The following UBE2QL1 variants were observed in gnomAD, a reference collection of about 807,000 sequenced individuals.
The protein encoded by UBE2QL1 is ubiquitin-conjugating enzyme E2Q-like protein 1.
Under a neutral mutation model 12.6 loss-of-function variants are expected in UBE2QL1, and 5 were observed. The ratio of observed to expected loss-of-function variants is 0.40; its 90% CI spans 0.21 to 0.83. The LOEUF is 0.83. UBE2QL1 is among the 40% of genes least tolerant of loss of function. The pLI is 0.37. For missense variants in UBE2QL1, 99 were observed against 222.6 expected (o/e 0.44, Z 3.53); for synonymous variants, 96 against 94.5 (o/e 1.02, Z -0.10).
chr5:6,449,098 A>G lies in UBE2QL1; in HGVS notation c.205A>G (p.Met69Val), dbSNP rs1382332172. ...PDNFPFSPPF[M>V]RVLSPRLENG... ...CAACTTCCCCTTCTCGCCGCCCTTC[A>G]TGCGGGTGCTCAGCCCGCGCCTGGA... is the stretch of plus-strand genomic sequence containing the variant. Residue 69 changes from methionine to valine, a missense_variant, in exon 1 of 2, where the codon ATG becomes GTG. Physicochemically the swap from Met to Val is conservative, Grantham distance 21 (BLOSUM62 1). Coordinates refer to ENST00000399816, the MANE Select transcript of UBE2QL1 (RefSeq NM_001145161.3). 1 of 1,547,798 alleles carries G rather than the reference A, an allele frequency of 6.5e-7. No individual in the cohort carries two copies. The highest frequency in any genetic ancestry group is 8.7e-7 in the Non-Finnish European group (1 of 1,145,340).
chr5:6,452,864 C>CA (rs1460592480), intron 1 of UBE2QL1, among the ~76,000 whole-genome samples: 14 of 152,182 alleles, frequency 9.2e-5, no homozygotes, highest in African/African-American at 3.1e-4. Context: ...TGTGCAGCAG[C>CA]AGGGTCCCCA....
intron 1 of UBE2QL1, among the ~76,000 whole-genome samples, chr5:6,452,132 T>G (rs928307813): frequency 6.6e-6 from 1 of 152,222 alleles, no homozygotes; most frequent in Non-Finnish European, 1.5e-5. Flanking sequence ...ACGCTGTTTC[T>G]ATACTTCTAG....
intron 1 of UBE2QL1, among the ~76,000 whole-genome samples, chr5:6,485,722 A>C (rs1937364913): frequency 6.6e-6 from 1 of 152,190 alleles, no homozygotes; most frequent in African/African-American, 2.4e-5. Flanking sequence ...AATTTTAACT[A>C]TTTTTAGAGG....
At chr5:6,449,273 G>A (rs1414843994) in intron 1 of UBE2QL1, 26 bp downstream of exon 1, 42 of 1,356,678 alleles carry the variant, frequency 3.1e-5, no homozygotes, top group African/African-American at 7.6e-5. Context: ...CGGGGCTGGG[G>A]GCGCGGGGCC....
chr5:6,471,997 T>C (rs929694137), intron 1 of UBE2QL1, among the ~76,000 whole-genome samples: 3 of 152,170 alleles, frequency 2.0e-5, no homozygotes, highest in African/African-American at 7.2e-5. Context: ...CCATTCTGTT[T>C]CTAGCAGATA....
intron 1 of UBE2QL1, among the ~76,000 whole-genome samples, chr5:6,475,910 C>T (rs566937848): frequency 6.6e-6 from 1 of 152,196 alleles, no homozygotes; most frequent in East Asian, 1.9e-4. Flanking sequence ...CAGAAACGCA[C>T]AGGCTCTCCA....
Position 6,479,899 on chromosome 5 carries a change from G to A in UBE2QL1, c.355-11319G>A, listed in dbSNP as rs909620417. 7.9e-5 allele frequency among the ~76,000 whole-genome samples: 12 copies of A among 152,148 alleles called. No homozygotes were observed. The highest frequency in any genetic ancestry group is 3.9e-4 in the East Asian group (2 of 5,194). ...ATGTGCTGCAAAGACCAGAATGTAC[G>A]TAGTAAAGGTAGACTCAGGGCCCTG... On this transcript the variant is annotated intron_variant, in intron 1 of 1. Coordinates refer to ENST00000399816, the MANE Select transcript of UBE2QL1 (RefSeq NM_001145161.3). This position sits in a 1 kb window ranked among gnomAD's most constrained non-coding sequence, Gnocchi z 4.2.
chr5:6,461,102 A>G (rs1739648462), intron 1 of UBE2QL1, among the ~76,000 whole-genome samples: 1 of 152,234 alleles, frequency 6.6e-6, no homozygotes, highest in African/African-American at 2.4e-5. Context: ...AGTAGAATTT[A>G]AGAGAAACCT....
intron 1 of UBE2QL1, 74 bp downstream of exon 1, chr5:6,449,321 C>T: frequency 2.4e-6 from 3 of 1,276,458 alleles, no homozygotes; most frequent in Non-Finnish European, 3.0e-6. Context: ...GCCCGGGCCC[C>T]GTGGTGAGGG....
intron 1 of UBE2QL1, among the ~76,000 whole-genome samples, chr5:6,473,402 G>A (rs1199568159): frequency 2.0e-5 from 3 of 152,176 alleles, no homozygotes; most frequent in Admixed American, 6.5e-5. Flanking sequence ...CAGCAGCAGT[G>A]GGTGACAGCA....
chr5:6,486,058 A>C (rs531852002), intron 1 of UBE2QL1, among the ~76,000 whole-genome samples: 41 of 152,328 alleles, frequency 2.7e-4, no homozygotes, highest in African/African-American at 9.4e-4. Context: ...AAAAAATAAG[A>C]AGCCCCATTT....
chr5:6,483,954 A>G (rs574632805), intron 1 of UBE2QL1, among the ~76,000 whole-genome samples: 12 of 152,318 alleles, frequency 7.9e-5, no homozygotes, highest in Admixed American at 2.0e-4. Context: ...GCGTGAGTCA[A>G]CAGGTCTCTG....
At chr5:6,460,450 C>T (rs1411437573) in intron 1 of UBE2QL1, among the ~76,000 whole-genome samples, 10 of 152,192 alleles carry the variant, frequency 6.6e-5, no homozygotes, top group Admixed American at 6.5e-4. Context: ...ATATTCACCT[C>T]CAGGTGCCTC....
intron 1 of UBE2QL1, among the ~76,000 whole-genome samples, chr5:6,488,827 G>A (rs895560695): frequency 2.0e-5 from 3 of 149,258 alleles, no homozygotes; most frequent in Admixed American, 2.0e-4. Flanking sequence ...AGAAGAAATT[G>A]ATGCTAACAT....
intron 1 of UBE2QL1, among the ~76,000 whole-genome samples, chr5:6,452,976 A>G (rs1739440133): frequency 6.6e-6 from 1 of 152,102 alleles, no homozygotes. Flanking sequence ...GGGGCAGGGA[A>G]CCAAATGGCA....
intron 1 of UBE2QL1, among the ~76,000 whole-genome samples, chr5:6,468,220 C>T (rs1739837285): frequency 6.6e-6 from 1 of 152,178 alleles, no homozygotes; most frequent in Non-Finnish European, 1.5e-5. Context: ...CTTGAAAATG[C>T]CTTGTCCTGG....
chr5:6,487,743 C>T (rs948578781), intron 1 of UBE2QL1, among the ~76,000 whole-genome samples: 1 of 152,220 alleles, frequency 6.6e-6, no homozygotes, highest in Non-Finnish European at 1.5e-5. Context: ...ACTGGATGTT[C>T]GTCATGATGT....
At chr5:6,471,080 A>G (rs1374147418) in intron 1 of UBE2QL1, among the ~76,000 whole-genome samples, 1 of 152,018 alleles carries the variant, frequency 6.6e-6, no homozygotes, top group East Asian at 1.9e-4. Flanking sequence ...GGGTTTTTGT[A>G]TTTTGGTAGG....
At chr5:6,462,162 T>C (rs913457538) in intron 1 of UBE2QL1, among the ~76,000 whole-genome samples, 6 of 152,122 alleles carry the variant, frequency 3.9e-5, no homozygotes. Flanking sequence ...TGGTCAGGAC[T>C]CGACCAGAAA....
Sources: gnomAD v4.1 joint callset for allele counts (sites outside exome capture counted in the v4.1 genomes callset) on GRCh38, gnomAD v4.1.1 for gene constraint, Gnocchi (gnomAD v3.1) non-coding constraint, MANE v1.5 for transcripts, NCBI Gene and HGNC (gene_info 2026-07-23, HGNC 2026-07-21) for gene names.